The following SMAD6 variants were observed in gnomAD, a reference collection of about 807,000 sequenced individuals.
The protein encoded by SMAD6 is MAD homolog 6.
Under a neutral mutation model 39.4 loss-of-function variants are expected in SMAD6, and 103 were observed. That is an observed-to-expected ratio of 2.62 (90% CI 2.23 to 3.08). The LOEUF is 3.08. SMAD6 is among the 30% of genes most tolerant of loss of function. The pLI is 0.00. For missense variants in SMAD6, 1,104 were observed against 742.9 expected (o/e 1.49, Z -5.65); for synonymous variants, 445 against 353.3 (o/e 1.26, Z -2.91).
At chr15:66,723,198 C>T (rs1893464677) in intron 3 of SMAD6, among the ~76,000 whole-genome samples, 1 of 152,106 alleles carries the variant, frequency 6.6e-6, no homozygotes, top group African/African-American at 2.4e-5. Context: ...GGACCTCCAC[C>T]CCTCCATCCC....
Position 66,781,825 on chromosome 15 carries a change from T to C in SMAD6, c.*290T>C, listed in dbSNP as rs1382229292. The C allele has an allele frequency of 2.5e-6, 1 of 398,804 alleles. No homozygotes were observed. The highest frequency in any genetic ancestry group is 4.4e-6 in the Non-Finnish European group (1 of 226,092). 24.7% of individuals were successfully genotyped at this position (398,804 alleles called of 1,614,324 possible). A position where few individuals can be genotyped will look rare whatever the true frequency, so the allele number is the denominator to read the frequency against. On this transcript the variant is annotated 3_prime_UTR_variant, in exon 4 of 4. Transcript: ENST00000288840. ...TTCTTTCAATACAGATATATTTTCT[T>C]TCTCTTCCTCCTTCCTCTTCCTTAC...
chr15:66,768,163 G>C (rs1391684557), intron 3 of SMAD6, among the ~76,000 whole-genome samples: 5 of 151,678 alleles, frequency 3.3e-5, no homozygotes, highest in Non-Finnish European at 7.4e-5. Flanking sequence ...GTAGAGATGG[G>C]GACTTGCTAT....
At chr15:66,777,762 T>C (rs1337402127) in intron 3 of SMAD6, among the ~76,000 whole-genome samples, 1 of 152,136 alleles carries the variant, frequency 6.6e-6, no homozygotes, top group Non-Finnish European at 1.5e-5. Flanking sequence ...TCTGTCTCCC[T>C]GAATTTGGGA....
rs118172939 is a variant in SMAD6, at chr15:66,778,453, C to T, written c.953-2544C>T. Among the ~76,000 whole-genome samples the T allele has an allele frequency of 8.0e-3, 1,221 of 152,260 alleles. 97 individuals are homozygous for T. The East Asian group carries it at 0.17, about 21-fold the overall frequency. ...ACTCTCCCTTTTTCCATGGGTGGGG[C>T]AGAGCTGTCACTCTGTGGCTGGGCA... On this transcript the variant is annotated intron_variant, in intron 3 of 3. Coordinates refer to ENST00000288840, the MANE Select transcript of SMAD6 (RefSeq NM_005585.5).
rs144243949 is a variant in SMAD6, at chr15:66,704,421, C to T, written c.817+346C>T. 1.1e-3 allele frequency: 230 copies of T among 212,026 alleles called. 2 individuals carry two copies. The highest frequency in any genetic ancestry group is 1.7e-3 in the Non-Finnish European group (187 of 107,364). The allele number at this position is 212,026 out of a possible 1,614,324, so 13.1% of individuals were successfully genotyped here. ...ACCAAAGAAGTAGGTGCTATTTCCTCCTACCTCAATTCCGGAATCTACCCC... is the reference window on the plus strand; with the variant it reads ...ACCAAAGAAGTAGGTGCTATTTCCTTCTACCTCAATTCCGGAATCTACCCC... On this transcript the variant is annotated intron_variant, in intron 1 of 3. Transcript: ENST00000288840.
intron 3 of SMAD6, among the ~76,000 whole-genome samples, chr15:66,763,771 C>T (rs28461652): frequency 0.11 from 16,258 of 152,294 alleles, 883 homozygotes; most frequent in South Asian, 0.13. Context: ...CTGCAGTTAA[C>T]GCCTGAGGGG....
chr15:66,781,740 T>G lies in SMAD6; in HGVS notation c.*205T>G. On this transcript the variant is annotated 3_prime_UTR_variant, in exon 4 of 4. Transcript: ENST00000288840. ...GGAGTCATTTTTACAATGTAATTATTTATGTATGGTGCAATGTGTGTATAT... is the reference window on the plus strand; with the variant it reads ...GGAGTCATTTTTACAATGTAATTATGTATGTATGGTGCAATGTGTGTATAT... 1 of 414,486 alleles carries G rather than the reference T, an allele frequency of 2.4e-6. No homozygotes were observed. The highest frequency in any genetic ancestry group is 4.2e-6 in the Non-Finnish European group (1 of 236,166). The allele number at this position is 414,486 out of a possible 1,614,324, so 25.7% of individuals were successfully genotyped here.
intron 3 of SMAD6, among the ~76,000 whole-genome samples, chr15:66,735,574 C>CA (rs1165647366): frequency 1.3e-5 from 2 of 152,124 alleles, no homozygotes; most frequent in Non-Finnish European, 2.9e-5. Context: ...GATTCAGATG[C>CA]ACAAAGTTTA....
At chr15:66,779,053 A>C (rs1422047430) in intron 3 of SMAD6, among the ~76,000 whole-genome samples, 1 of 151,436 alleles carries the variant, frequency 6.6e-6, no homozygotes, top group Admixed American at 6.6e-5. Flanking sequence ...GCCCTTGGGG[A>C]CTCCCAGACC....
intron 1 of SMAD6, chr15:66,705,197 ACT>A (rs574448087): frequency 8.6e-5 from 13 of 151,846 alleles, no homozygotes; most frequent in Non-Finnish European, 1.3e-4. Flanking sequence ...AGGTCTCCTG[ACT>A]CTGTGTGGAA....
At position 66,703,294 on chromosome 15, in the gene SMAD6, A is replaced by T; in HGVS notation, c.36A>T (p.Arg12=). ...FRSKRSGLVR[R]LWRSRVVPDR... ...CCAAACGCTCGGGGCTGGTGCGGCG[A>T]CTTTGGCGAAGTCGTGTGGTCCCCG... The change falls in exon 1 of 4, where the codon CGA becomes CGT. Residue 12 remains arginine (R), a synonymous_variant. Coordinates refer to ENST00000288840, the MANE Select transcript of SMAD6 (RefSeq NM_005585.5). 1 of 1,490,336 alleles carries T rather than the reference A, an allele frequency of 6.7e-7. No homozygotes were observed. Among genetic ancestry groups the T allele is most frequent in the South Asian group, 1.3e-5 (1 of 78,244 alleles). 92.3% of individuals were successfully genotyped at this position (1,490,336 alleles called of 1,614,324 possible). A position where few individuals can be genotyped will look rare whatever the true frequency, so the allele number is the denominator to read the frequency against.
intron 3 of SMAD6, among the ~76,000 whole-genome samples, chr15:66,745,247 T>A (rs188822076): frequency 1.3e-5 from 2 of 152,304 alleles, no homozygotes; most frequent in African/African-American, 4.8e-5. Flanking sequence ...CCACACATCC[T>A]GCTTTTAAAA....
At chr15:66,711,785 C>T in intron 2 of SMAD6, 61 bp downstream of exon 2, 1 of 1,352,752 alleles carries the variant, frequency 7.4e-7, no homozygotes, top group Non-Finnish European at 1.1e-6. Context: ...CCTCTTCAGC[C>T]CAGTGTCTGT....
chr15:66,769,058 A>C (rs1054320100), intron 3 of SMAD6, among the ~76,000 whole-genome samples: 1 of 152,180 alleles, frequency 6.6e-6, no homozygotes, highest in Non-Finnish European at 1.5e-5. Context: ...ATGGTTAAGC[A>C]AGTTTCTGAC....
At chr15:66,765,100 A>T (rs555641138) in intron 3 of SMAD6, among the ~76,000 whole-genome samples, 1 of 152,288 alleles carries the variant, frequency 6.6e-6, no homozygotes, top group East Asian at 1.9e-4. Flanking sequence ...TGACTTTAAT[A>T]AGGCTGAGTT....
rs1249501135 is a variant in SMAD6, at chr15:66,781,356, G to T, written c.1312G>T (p.Val438Leu). 1 of 1,600,114 alleles carries T rather than the reference G, an allele frequency of 6.2e-7. No homozygotes were observed. Among genetic ancestry groups the T allele is most frequent in the East Asian group, 2.2e-5 (1 of 44,680 alleles). Residue 438 changes from valine (V) to leucine (L), a missense_variant, in exon 4 of 4, where the codon GTG (valine) becomes TTG (leucine). Transcript: ENST00000288840. The part of the protein sequence containing the change: ...RKVPPGYSIK[V>L]FDFERSGLQH... ...GGTGCCCCCCGGCTACTCCATCAAG[G>T]TGTTCGACTTCGAGCGCTCGGGCCT...
chr15:66,766,570 G>A (rs1010059806), intron 3 of SMAD6, among the ~76,000 whole-genome samples: 1 of 152,200 alleles, frequency 6.6e-6, no homozygotes, highest in Non-Finnish European at 1.5e-5. Context: ...GAGACCCAGT[G>A]AGAACAGAGG....
At position 66,782,756 on chromosome 15, in the gene SMAD6, A is replaced by G. The variant is rs1051255487; in HGVS notation, c.*1221A>G. 6.6e-6 allele frequency: 1 copy of G among 152,266 alleles called. No homozygotes were observed. The highest frequency in any genetic ancestry group is 1.5e-5 in the Non-Finnish European group (1 of 68,038). The allele number at this position is 152,266 out of a possible 1,614,324, so 9.4% of individuals were successfully genotyped here. On this transcript the variant is annotated 3_prime_UTR_variant, in exon 4 of 4. Coordinates refer to ENST00000288840, the MANE Select transcript of SMAD6 (RefSeq NM_005585.5). The stretch of plus-strand genomic sequence containing the variant: ...AACTAAGAGGAATGTTTCATTGTAT[A>G]TCTTTTTTCTTGGAGATTTATATTA...
Position 66,711,709 on chromosome 15 carries a change from G to A in SMAD6, c.859G>A (p.Glu287Lys), listed in dbSNP as rs570279865. The change falls in exon 2 of 4, where the codon GAG becomes AAG. Residue 287 changes from glutamate (E) to lysine (K), a missense_variant. Physicochemically the swap from Glu to Lys is moderately conservative, Grantham distance 56 (BLOSUM62 1). Coordinates refer to ENST00000288840, the MANE Select transcript of SMAD6 (RefSeq NM_005585.5). ...CTACTCTCGGCTGTCTCCTCGCGAC[G>A]AGTACAAGCCACTGGGTAAGTGTGC... ...PPYSRLSPRD[E>K]YKPLDLSDST... The A allele has an allele frequency of 1.9e-5, 31 of 1,613,500 alleles. No individual in the cohort carries two copies. The Admixed American group carries it at 2.5e-4, about 13-fold the overall frequency.
Sources: allele counts gnomAD v4.1 joint callset (sites outside exome capture counted in the v4.1 genomes callset), GRCh38; gene constraint gnomAD v4.1.1; transcripts MANE v1.5; gene names NCBI Gene and HGNC (gene_info 2026-07-23, HGNC 2026-07-21).